The following SLCO1A2 variants were observed in gnomAD, a reference collection of about 807,000 sequenced individuals.
The protein encoded by SLCO1A2 is solute carrier organic anion transporter family member 1A2.
Under a neutral mutation model 69.0 loss-of-function variants are expected in SLCO1A2, and 67 were observed. The observed-to-expected ratio is 0.97, with a 90% CI of 0.80 to 1.19. The LOEUF (loss-of-function observed/expected upper bound fraction) is 1.19. Among genes scored for constraint, SLCO1A2 ranks in the 50% most tolerant of loss-of-function variants. The pLI, the probability that SLCO1A2 is intolerant of heterozygous loss-of-function variation, is 0.00. For synonymous variants in SLCO1A2, 260 were observed against 265.9 expected (o/e 0.98, Z 0.22); for missense variants, 787 against 793.7 (o/e 0.99, Z 0.10).
chr12:21,342,431 C>T (rs1042848432), intron 2 of SLCO1A2, among the ~76,000 whole-genome samples: 22 of 151,980 alleles, frequency 1.4e-4, no homozygotes, highest in African/African-American at 4.6e-4. Flanking sequence ...TAATATATTA[C>T]ACTTTTAAAA....
chr12:21,336,350 G>A (rs934297632), upstream of SLCO1A2, among the ~76,000 whole-genome samples: 14 of 152,054 alleles, frequency 9.2e-5, 1 homozygote, highest in African/African-American at 3.4e-4. Flanking sequence ...TCACCATATA[G>A]GGGAATTCTA....
intron 2 of SLCO1A2, among the ~76,000 whole-genome samples, chr12:21,341,749 C>T (rs549213623): frequency 1.3e-5 from 2 of 152,162 alleles, no homozygotes; most frequent in African/African-American, 4.8e-5. Flanking sequence ...AGTATCCATT[C>T]AGATTTCTAC....
chr12:21,295,563 G>T, intron 10 of SLCO1A2, 34 bp downstream of exon 10: 1 of 1,327,890 alleles, frequency 7.5e-7, no homozygotes, highest in Non-Finnish European at 1.1e-6. Context: ...ACCATTTGTT[G>T]AAAGATTCTC....
chr12:21,419,625 C>G (rs191226099), upstream of SLCO1A2: 4 of 166,758 alleles, frequency 2.4e-5, no homozygotes, highest in African/African-American at 9.6e-5. Context: ...ATCTGCAAGG[C>G]GGCAATGAGG....
chr12:21,283,919 G>T (rs12423510), intron 12 of SLCO1A2, among the ~76,000 whole-genome samples: 50,822 of 151,952 alleles, frequency 0.33, 10,452 homozygotes, highest in Admixed American at 0.45. Context: ...AACAAATACT[G>T]GTGAGTATGT....
chr12:21,378,207 T>C, intron 1 of SLCO1A2: 9 of 1,607,166 alleles, frequency 5.6e-6, no homozygotes, highest in Non-Finnish European at 7.7e-6. Context: ...TCTAAGGCTC[T>C]AACTTTTCAC....
intron 5 of SLCO1A2, 27 bp from the exon 6 acceptor site, chr12:21,304,600 T>A: frequency 6.3e-7 from 1 of 1,577,328 alleles, no homozygotes; most frequent in Non-Finnish European, 8.6e-7. Context: ...AGACATGACA[T>A]TAGTGCTTTG....
intron 1 of SLCO1A2, among the ~76,000 whole-genome samples, chr12:21,403,175 T>C (rs1313899828): frequency 3.3e-5 from 5 of 152,080 alleles, no homozygotes; most frequent in African/African-American, 4.8e-5. Flanking sequence ...TAACTACATA[T>C]TTGAAAACTC....
upstream of SLCO1A2, among the ~76,000 whole-genome samples, chr12:21,397,907 CA>C (rs2137180069): frequency 1.0e-5 from 1 of 99,016 alleles, no homozygotes; most frequent in South Asian, 4.2e-4. Flanking sequence ...ACTAAATGCC[CA>C]CAAGAGAAAG....
rs1026282259 is a variant in SLCO1A2 at position 21,265,105 on chromosome 12, C to T, written c.*4443G>A. ...GCTCTGGTGTATTAAAATAAAACAT[C>T]AATTGTATGAGTGTAATAGACATTC... On this transcript the variant is annotated 3_prime_UTR_variant, in exon 15 of 15. Coordinates refer to ENST00000683939, the MANE Select transcript of SLCO1A2 (RefSeq NM_001386879.1). The T allele has an allele frequency of 6.6e-6, 1 of 152,152 alleles. No individual in the cohort carries two copies. The highest frequency in any genetic ancestry group is 2.4e-5 in the African/African-American group (1 of 41,426). The allele number at this position is 152,152 out of a possible 1,614,324, so 9.4% of individuals were successfully genotyped here.
chr12:21,355,293 A>G (rs1479903415), intron 2 of SLCO1A2, among the ~76,000 whole-genome samples: 1 of 152,172 alleles, frequency 6.6e-6, no homozygotes, highest in Admixed American at 6.6e-5. Context: ...TTCCTGAAGT[A>G]TGGCTTTATC....
upstream of SLCO1A2, among the ~76,000 whole-genome samples, chr12:21,397,825 C>A (rs1445396972): frequency 8.3e-6 from 1 of 119,798 alleles, no homozygotes. Context: ...TTGAAACCAA[C>A]GAGAACAAAG....
At chr12:21,397,338 G>C (rs1340115137), upstream of SLCO1A2, among the ~76,000 whole-genome samples, 1 of 151,862 alleles carries the variant, frequency 6.6e-6, no homozygotes, top group Non-Finnish European at 1.5e-5. Context: ...CTAAATATAT[G>C]TGCACCCAAT....
Position 21,268,049 on chromosome 12 carries a change from CT to C in SLCO1A2, c.*1498del, listed in dbSNP as rs1463843209. The C allele has an allele frequency of 6.6e-6, 1 of 152,024 alleles. No homozygotes were observed. Among genetic ancestry groups the C allele is most frequent in the Non-Finnish European group, 1.5e-5 (1 of 68,002 alleles). The allele number at this position is 152,024 out of a possible 1,614,324, so 9.4% of individuals were successfully genotyped here. ...GAAACTTAACTTTTCATCCTTCCCC[CT>C]AAACCTGTTCTATACAGCCTTTCTC... On this transcript the variant is annotated 3_prime_UTR_variant, in exon 15 of 15. Transcript: ENST00000683939.
intron 6 of SLCO1A2, among the ~76,000 whole-genome samples, chr12:21,304,200 T>G (rs1949065126): frequency 6.6e-6 from 1 of 152,180 alleles, no homozygotes; most frequent in Admixed American, 6.6e-5. Flanking sequence ...CCAGGGGCAC[T>G]AGACTTGTGG....
chr12:21,328,183 T>C (rs1200769005), intron 2 of SLCO1A2, among the ~76,000 whole-genome samples: 1 of 152,156 alleles, frequency 6.6e-6, no homozygotes, highest in Non-Finnish European at 1.5e-5. Context: ...TGTGGAACTG[T>C]GAGTCCATTA....
intron 1 of SLCO1A2, among the ~76,000 whole-genome samples, chr12:21,401,282 A>T (rs968804894): frequency 1.3e-5 from 2 of 151,926 alleles, no homozygotes; most frequent in Non-Finnish European, 2.9e-5. Context: ...GATACAAAAT[A>T]TATAAAACCA....
chr12:21,397,183 C>T (rs192221270), upstream of SLCO1A2, among the ~76,000 whole-genome samples: 752 of 151,700 alleles, frequency 5.0e-3, 7 homozygotes, highest in African/African-American at 0.018. Context: ...GGAAGATCTA[C>T]CAAGCAAATG....
At chr12:21,313,317 C>A (rs1245239650) in intron 4 of SLCO1A2, among the ~76,000 whole-genome samples, 2 of 152,200 alleles carry the variant, frequency 1.3e-5, no homozygotes, top group Admixed American at 1.3e-4. Context: ...AATAAACCTT[C>A]AATTTGTGAG....
Sources: gnomAD v4.1 joint callset for allele counts (sites outside exome capture counted in the v4.1 genomes callset) on GRCh38, gnomAD v4.1.1 for gene constraint, MANE v1.5 for transcripts, NCBI Gene and HGNC (gene_info 2026-07-23, HGNC 2026-07-21) for gene names.